RXRA: variants seen among roughly 807,000 people sequenced by gnomAD.
The protein encoded by RXRA is retinoic acid receptor RXR-alpha.
RXRA carries 5 observed loss-of-function variants against 44.5 expected under a neutral mutation model. That is an observed-to-expected ratio of 0.11 (90% CI 0.06 to 0.24). RXRA has a LOEUF of 0.24. RXRA is among the 10% of genes least tolerant of loss of function. RXRA has a pLI of 1.00. For synonymous variants in RXRA, 291 were observed against 271.4 expected (o/e 1.07, Z -0.71); for missense variants, 412 against 646.5 (o/e 0.64, Z 3.93).
intron 1 of RXRA, among the ~76,000 whole-genome samples, chr9:134,328,152 A>C (rs1476764877): frequency 1.3e-5 from 2 of 152,152 alleles, no homozygotes; most frequent in African/African-American, 4.8e-5. Context: ...TTGCACTCAC[A>C]CATGTGCACA....
chr9:134,345,548 C>T lies in RXRA; in HGVS notation c.28+18889C>T, dbSNP rs73569827. Among the ~76,000 whole-genome samples, 281 of 152,288 alleles carry T rather than the reference C, an allele frequency of 1.8e-3. 1 individual carries two copies. Among genetic ancestry groups the T allele is most frequent in the African/African-American group, 6.4e-3 (266 of 41,554 alleles). ...GCAGGACGGGGGCTCTGGCGGGAGCCGACATCACATGTCTGGCCTGGCTGC... is the reference window on the plus strand; with the variant it reads ...GCAGGACGGGGGCTCTGGCGGGAGCTGACATCACATGTCTGGCCTGGCTGC... On this transcript the variant is annotated intron_variant, in intron 1 of 9. Coordinates refer to ENST00000481739, the MANE Select transcript of RXRA (RefSeq NM_002957.6).
At chr9:134,386,325 A>G (rs1264497566) in intron 1 of RXRA, among the ~76,000 whole-genome samples, 1 of 152,136 alleles carries the variant, frequency 6.6e-6, no homozygotes, top group Non-Finnish European at 1.5e-5. Flanking sequence ...ATGAGGCTGC[A>G]CCTCCTTGCC....
rs759663320 is a variant in RXRA, at chr9:134,401,684, C to G, written c.81C>G (p.Ser27=). 2.5e-6 allele frequency: 4 copies of G among 1,613,030 alleles called. No homozygotes were observed. Among genetic ancestry groups the G allele is most frequent in the Admixed American group, 3.3e-5 (2 of 60,008 alleles). ...SSLTSPTGRG[S]MAAPSLHPSL... is the part of the protein sequence containing the mutation. ...TCACCTCCCCGACGGGGCGAGGCTC[C>G]ATGGCTGCCCCCTCGCTGCACCCGT... Residue 27 remains serine (S), a synonymous_variant, in exon 2 of 10, where the codon TCC becomes TCG. Coordinates refer to ENST00000481739, the MANE Select transcript of RXRA (RefSeq NM_002957.6).
rs1157818180 is a variant in RXRA, at chr9:134,343,012, A to G, written c.28+16353A>G. ...CTAGGCAGTGGGGGGACCTCCTTCT[A>G]GAGAGGCCCCAGCAGATTATGGGAT... On this transcript the variant is annotated intron_variant, in intron 1 of 9. Coordinates refer to ENST00000481739, the MANE Select transcript of RXRA (RefSeq NM_002957.6). This position sits in a 1 kb window ranked among gnomAD's most constrained non-coding sequence, Gnocchi z 4.1. Among the ~76,000 whole-genome samples, 2 of 152,156 alleles carry G rather than the reference A, an allele frequency of 1.3e-5. No individual in the cohort carries two copies. The highest frequency in any genetic ancestry group is 4.8e-5 in the African/African-American group (2 of 41,446).
At chr9:134,416,621 C>G (rs956623807) in intron 4 of RXRA, among the ~76,000 whole-genome samples, 8 of 152,080 alleles carry the variant, frequency 5.3e-5, no homozygotes, top group African/African-American at 1.9e-4. Context: ...TCCTGATTGC[C>G]CAGGTGTCTC....
intron 1 of RXRA, chr9:134,401,426 A>G: frequency 1.3e-6 from 1 of 766,628 alleles, no homozygotes; most frequent in Non-Finnish European, 2.1e-6. Flanking sequence ...CAGGCGCAGA[A>G]CAGTACCTTG....
chr9:134,410,711 G>A (rs1340508205), intron 4 of RXRA, among the ~76,000 whole-genome samples: 1 of 152,192 alleles, frequency 6.6e-6, no homozygotes, highest in Admixed American at 6.5e-5. Flanking sequence ...GGAGCTGGGG[G>A]GGGAAGGCCT....
At chr9:134,341,844 C>T (rs747885708) in intron 1 of RXRA, among the ~76,000 whole-genome samples, 2 of 152,136 alleles carry the variant, frequency 1.3e-5, no homozygotes, top group East Asian at 1.9e-4. Flanking sequence ...AGGCACTGGG[C>T]GGTGTGGTCT....
chr9:134,368,386 C>A (rs1427427109), intron 1 of RXRA, among the ~76,000 whole-genome samples: 2 of 152,240 alleles, frequency 1.3e-5, no homozygotes, highest in Non-Finnish European at 2.9e-5. Flanking sequence ...CTGGATAGCC[C>A]CTGCCATGGG....
chr9:134,424,444 G>A, intron 6 of RXRA: 3 of 985,458 alleles, frequency 3.0e-6, no homozygotes, highest in South Asian at 9.4e-5. Flanking sequence ...CCTGTCTCCA[G>A]TGGGCCCTGC....
intron 1 of RXRA, among the ~76,000 whole-genome samples, chr9:134,394,533 C>T (rs1830849960): frequency 1.3e-5 from 2 of 152,108 alleles, no homozygotes; most frequent in Non-Finnish European, 2.9e-5. Flanking sequence ...TTCTCATGCC[C>T]TGGCAGCTCG....
Position 134,366,724 on chromosome 9 carries a change from G to T in RXRA, c.29-34908G>T, listed in dbSNP as rs1031280428. Among the ~76,000 whole-genome samples the T allele has an allele frequency of 6.6e-6, 1 of 152,172 alleles. No individual in the cohort carries two copies. The highest frequency in any genetic ancestry group is 1.5e-5 in the Non-Finnish European group (1 of 68,026). ...GAAGCTGAACCCCGGGGACAGTGTT[G>T]GTCAGAAAAGCCATAGACTCTCCAC... is the stretch of plus-strand genomic sequence containing the variant. On this transcript the variant is annotated intron_variant, in intron 1 of 9. Transcript: ENST00000481739. The surrounding 1 kb of genome is among the most constrained non-coding windows in gnomAD (Gnocchi z 5.9).
intron 1 of RXRA, chr9:134,379,833 G>A (rs1830615186): frequency 4.1e-6 from 4 of 985,376 alleles, no homozygotes; most frequent in Non-Finnish European, 4.8e-6. Flanking sequence ...CTGGGGCCTT[G>A]TGTGGGAGGG....
At chr9:134,394,304 G>A (rs1321082335) in intron 1 of RXRA, among the ~76,000 whole-genome samples, 3 of 151,890 alleles carry the variant, frequency 2.0e-5, no homozygotes, top group Admixed American at 1.3e-4. Context: ...GTCATTGCAC[G>A]CTCGCTGGAT....
intron 1 of RXRA, among the ~76,000 whole-genome samples, chr9:134,361,155 G>A (rs1207003884): frequency 6.6e-6 from 1 of 152,220 alleles, no homozygotes; most frequent in East Asian, 1.9e-4. Flanking sequence ...AATTAATGCC[G>A]TGATCATTTT....
chr9:134,354,354 C>T (rs1370336033), intron 1 of RXRA, among the ~76,000 whole-genome samples: 1 of 152,232 alleles, frequency 6.6e-6, no homozygotes, highest in African/African-American at 2.4e-5. Context: ...GCCCATACTG[C>T]TGGCTCTTCT....
rs35761149 is a variant in RXRA at position 134,407,073 on chromosome 9, T to C, written c.280-1076T>C. On this transcript the variant is annotated intron_variant, in intron 2 of 9. Transcript: ENST00000481739. This position sits in a 1 kb window ranked among gnomAD's most constrained non-coding sequence, Gnocchi z 4.8. ...GAGTCCTGCAGGGACCAAGCATCCT[T>C]GTAAAGCCTCACAGCCCACCTGGGC... is the stretch of plus-strand genomic sequence containing the variant. Among the ~76,000 whole-genome samples, 15,119 of 152,162 alleles carry C rather than the reference T, an allele frequency of 0.099. 2,446 individuals carry two copies. The highest frequency in any genetic ancestry group is 0.34 in the African/African-American group (14,129 of 41,496).
At position 134,365,872 on chromosome 9, in the gene RXRA, G is replaced by T. The variant is rs996629983; in HGVS notation, c.29-35760G>T. ...CTACTGCTAGGCTCAGGCCTGTCTT[G>T]GGGAGGGTTCCTGGGCTGGGATTGG... On this transcript the variant is annotated intron_variant, in intron 1 of 9. Transcript: ENST00000481739. The surrounding 1 kb of genome is among the most constrained non-coding windows in gnomAD (Gnocchi z 4.0). Among the ~76,000 whole-genome samples, 4 of 152,178 alleles carry T rather than the reference G, an allele frequency of 2.6e-5. No individual in the cohort carries two copies. The highest frequency in any genetic ancestry group is 2.4e-5 in the African/African-American group (1 of 41,526).
chr9:134,367,479 G>C (rs1830429170), intron 1 of RXRA, among the ~76,000 whole-genome samples: 1 of 152,360 alleles, frequency 6.6e-6, no homozygotes, highest in African/African-American at 2.4e-5. Context: ...GGCCCGCTGT[G>C]TGCCCTTACC....
Sources: allele counts gnomAD v4.1 joint callset (sites outside exome capture counted in the v4.1 genomes callset), GRCh38; gene constraint gnomAD v4.1.1; non-coding constraint Gnocchi (gnomAD v3.1); transcripts MANE v1.5; gene names NCBI Gene and HGNC (gene_info 2026-07-23, HGNC 2026-07-21).